Variants in EBF4 observed in about 807,000 individuals in gnomAD.
The protein encoded by EBF4 is EBF transcription factor 4, also known as transcription factor COE4.
EBF4 carries 34 observed loss-of-function variants against 67.1 expected under a neutral mutation model. The observed-to-expected ratio is 0.51, with a 90% confidence interval of 0.39 to 0.67. The LOEUF (loss-of-function observed/expected upper bound fraction) is 0.67, where lower values mean the gene tolerates loss of function less well. Ranked by LOEUF, EBF4 falls within the 30% of genes least tolerant of loss-of-function variation. The probability of loss-of-function intolerance (pLI) is 0.00; values close to 1 mark genes in which losing one functional copy is unlikely to be tolerated. For missense variants in EBF4, 837 were observed against 873.3 expected, an observed-to-expected ratio of 0.96 and a Z score of 0.52; for synonymous variants, 387 against 377.7, an observed-to-expected ratio of 1.02 and a Z score of -0.29.
chr20:2,707,594 G>GGGGCC lies in EBF4; in HGVS notation c.415-352_415-348dup, dbSNP rs1055416250. On this transcript the variant is annotated intron_variant, in intron 4 of 16. Transcript: ENST00000609451. This position sits in a 1 kb window ranked among gnomAD's most constrained non-coding sequence, Gnocchi z 4.6. ...CACAGGAGGATGCTGGGGGAGGGGAGGGGCCTGGTGCTGGGTGGGCACAGG... is the reference window on the plus strand; with the variant it reads ...CACAGGAGGATGCTGGGGGAGGGGAGGGGCCGGGCCTGGTGCTGGGTGGGCACAGG... 1.3e-4 allele frequency among the ~76,000 whole-genome samples: 20 copies of GGGGCC among 152,100 alleles called. No homozygotes were observed. The highest frequency in any genetic ancestry group is 6.5e-5 in the Admixed American group (1 of 15,274).
In EBF4 at chr20:2,747,737, T is replaced by C. The variant is rs942462146; in HGVS notation, c.558-812T>C. ...AATAACTATATTTTGGGTAATCATT[T>C]ACAACATAAAATGCGTATTAATGTA... On this transcript the variant is annotated intron_variant, in intron 6 of 16. Transcript: ENST00000609451. The surrounding 1 kb of genome is among the most constrained non-coding windows in gnomAD (Gnocchi z 4.6). Among the ~76,000 whole-genome samples the C allele has an allele frequency of 6.6e-5, 10 of 152,344 alleles. No homozygotes were observed. In the East Asian group the frequency reaches 1.9e-3, roughly 29 times the overall value.
intron 6 of EBF4, among the ~76,000 whole-genome samples, chr20:2,732,201 G>A (rs2087822666): frequency 6.6e-6 from 1 of 151,794 alleles, no homozygotes; most frequent in African/African-American, 2.4e-5. Flanking sequence ...GCTCACTACA[G>A]CCTCAACCTC....
At chr20:2,718,046 T>C (rs185925400) in intron 6 of EBF4, among the ~76,000 whole-genome samples, 12 of 152,170 alleles carry the variant, frequency 7.9e-5, no homozygotes, top group Non-Finnish European at 1.5e-5. Flanking sequence ...CCTGACCTCG[T>C]GATCCACCCA....
At chr20:2,743,890 G>A (rs1396643314) in intron 6 of EBF4, among the ~76,000 whole-genome samples, 1 of 152,004 alleles carries the variant, frequency 6.6e-6, no homozygotes, top group East Asian at 1.9e-4. Flanking sequence ...CCATCACACA[G>A]GTACAATACA....
Position 2,713,968 on chromosome 20 carries a change from A to G in EBF4, c.557+4326A>G, listed in dbSNP as rs1383967935. ...AGTGCATTGGAATAATTATCTGTCTATACTGACATTGAAATAACCAAGAAT... is the reference window on the plus strand; with the variant it reads ...AGTGCATTGGAATAATTATCTGTCTGTACTGACATTGAAATAACCAAGAAT... On this transcript the variant is annotated intron_variant, in intron 6 of 16. Transcript: ENST00000609451. 2.0e-5 allele frequency among the ~76,000 whole-genome samples: 3 copies of G among 152,216 alleles called. No individual in the cohort carries two copies. The East Asian group carries it at 5.8e-4, about 29-fold the overall frequency.
chr20:2,758,920 G>T lies in EBF4; in HGVS notation c.1750G>T (p.Glu584Ter), dbSNP rs1356611597. Reference sequence around the variant, plus strand: ...CTTGACTACTGCAGACCAGTCTTTTGAGGATTCTGACAAGTTTCACTCTCC... The same window carrying T: ...CTTGACTACTGCAGACCAGTCTTTTTAGGATTCTGACAAGTTTCACTCTCC... Residue 584 changes from glutamate to a stop codon, truncating the protein, a stop_gained, in exon 16 of 17, where the codon GAG becomes TAG. Coordinates refer to ENST00000609451, the Ensembl canonical transcript of EBF4. LOFTEE classifies it high-confidence loss of function. 1 of 1,551,766 alleles carries T rather than the reference G, an allele frequency of 6.4e-7. No homozygotes were observed. The highest frequency in any genetic ancestry group is 2.0e-5 in the Admixed American group (1 of 51,010).
At chr20:2,735,618 C>G (rs1357190855) in intron 6 of EBF4, among the ~76,000 whole-genome samples, 1 of 152,190 alleles carries the variant, frequency 6.6e-6, no homozygotes, top group African/African-American at 2.4e-5. Context: ...TACCTGGGCA[C>G]AAGTTAAAAG....
chr20:2,752,906 C>T (rs960548810), intron 14 of EBF4, among the ~76,000 whole-genome samples: 2 of 152,234 alleles, frequency 1.3e-5, no homozygotes, highest in African/African-American at 4.8e-5. Context: ...ATCTCGCGCC[C>T]GGACTTGGGG....
At chr20:2,736,292 G>A (rs1173504603) in intron 6 of EBF4, among the ~76,000 whole-genome samples, 1 of 152,110 alleles carries the variant, frequency 6.6e-6, no homozygotes, top group Non-Finnish European at 1.5e-5. Context: ...CTGCCTGGTG[G>A]GTGTTGTTCA....
rs2146358783 is a variant in EBF4, at chr20:2,696,437, A to G, written c.137+2655A>G. 6.6e-6 allele frequency among the ~76,000 whole-genome samples: 1 copy of G among 152,162 alleles called. No individual in the cohort carries two copies. Among genetic ancestry groups the G allele is most frequent in the East Asian group, 1.9e-4 (1 of 5,176 alleles). On this transcript the variant is annotated intron_variant, in intron 1 of 16. Coordinates refer to ENST00000609451, the Ensembl canonical transcript of EBF4. This position sits in a 1 kb window ranked among gnomAD's most constrained non-coding sequence, Gnocchi z 4.7. Reference sequence around the variant, plus strand: ...CGGTGAGCCAAGATCGCACCACTGTACTCCAGCCTGGGCGGCAGAGTGAAA... The same window carrying G: ...CGGTGAGCCAAGATCGCACCACTGTGCTCCAGCCTGGGCGGCAGAGTGAAA...
intron 6 of EBF4, 91 bp downstream of exon 6, chr20:2,709,733 G>A: frequency 7.6e-7 from 1 of 1,311,066 alleles, no homozygotes; most frequent in East Asian, 2.9e-5. Flanking sequence ...CTCAAGGGAG[G>A]AGCGGAGCAG....
chr20:2,735,143 G>C (rs567716356), intron 6 of EBF4, among the ~76,000 whole-genome samples: 2 of 152,308 alleles, frequency 1.3e-5, no homozygotes, highest in Non-Finnish European at 2.9e-5. Flanking sequence ...CCTGAAGATA[G>C]GGTCTTTCCC....
Position 2,745,703 on chromosome 20 carries a change from C to T in EBF4, c.558-2846C>T, listed in dbSNP as rs1186113275. Among the ~76,000 whole-genome samples the T allele has an allele frequency of 1.2e-4, 18 of 152,158 alleles. No homozygotes were observed. Among genetic ancestry groups the T allele is most frequent in the Admixed American group, 1.2e-3 (18 of 15,276 alleles). On this transcript the variant is annotated intron_variant, in intron 6 of 16. Coordinates refer to ENST00000609451, the Ensembl canonical transcript of EBF4. This position sits in a 1 kb window ranked among gnomAD's most constrained non-coding sequence, Gnocchi z 5.2. Reference sequence around the variant, plus strand: ...TGGGGAGGGCAGAAGTAAAGGATGTCCCAGAGGCAGGACTAGAAGGTGTCA... The same window carrying T: ...TGGGGAGGGCAGAAGTAAAGGATGTTCCAGAGGCAGGACTAGAAGGTGTCA...
chr20:2,709,732 G>A lies in EBF4; in HGVS notation c.557+90G>A, dbSNP rs985834703. The A allele has an allele frequency of 7.0e-5, 93 of 1,321,384 alleles. 1 individual carries two copies. Among genetic ancestry groups the A allele is most frequent in the Non-Finnish European group, 2.6e-5 (26 of 1,004,030 alleles). The allele number at this position is 1,321,384 out of a possible 1,614,324, so 81.9% of individuals were successfully genotyped here. ...CCACAGAGCACCAAGGCTCAAGGGA[G>A]GAGCGGAGCAGCCCCCCCGGGGCAC... is the stretch of plus-strand genomic sequence containing the variant. On this transcript the variant is annotated intron_variant, in intron 6 of 16. Transcript: ENST00000609451.
chr20:2,758,803 G>T, intron 15 of EBF4, 106 bp from the exon 16 acceptor site: 1 of 1,007,260 alleles, frequency 9.9e-7, no homozygotes. Context: ...ACTGCCTTCA[G>T]AAAGTGCTAT....
rs1168530873 is a variant in EBF4 at position 2,747,477 on chromosome 20, T to G, written c.558-1072T>G. Among the ~76,000 whole-genome samples the G allele has an allele frequency of 6.6e-6, 1 of 152,154 alleles. No homozygotes were observed. The highest frequency in any genetic ancestry group is 1.5e-5 in the Non-Finnish European group (1 of 68,020). On this transcript the variant is annotated intron_variant, in intron 6 of 16. Transcript: ENST00000609451. The surrounding 1 kb of genome is among the most constrained non-coding windows in gnomAD (Gnocchi z 4.6). The stretch of plus-strand genomic sequence containing the variant: ...TGTGTTTGTCTAAAAAGCAACCTCA[T>G]CAGCGCATATGTGTTTTTTTCCCAA...
Position 2,705,755 on chromosome 20 carries a change from C to T in EBF4, c.294+22C>T, listed in dbSNP as rs1167058271. 4 of 1,525,966 alleles carry T rather than the reference C, an allele frequency of 2.6e-6. No homozygotes were observed. The South Asian group carries it at 4.9e-5, about 19-fold the overall frequency. The allele number at this position is 1,525,966 out of a possible 1,614,324, so 94.5% of individuals were successfully genotyped here. A position where few individuals can be genotyped will look rare whatever the true frequency, so the allele number is the denominator to read the frequency against. On this transcript the variant is annotated intron_variant, in intron 2 of 16. Coordinates refer to ENST00000609451, the Ensembl canonical transcript of EBF4. ...CCGAGTGAGAGGCTCATGGGCTTGG[C>T]TGGGACTGGCCCCGGGAGGGAACCC...
chr20:2,708,003 C>A, exon 5 of EBF4: 1 of 1,609,142 alleles, frequency 6.2e-7, no homozygotes, highest in Non-Finnish European at 8.5e-7. Context: ...TGCTGCTCAC[C>A]CATGAGATCA....
Position 2,755,921 on chromosome 20 carries a change from C to G in EBF4, c.1738+97C>G, listed in dbSNP as rs377324801. 2.5e-6 allele frequency: 3 copies of G among 1,192,426 alleles called. 1 individual carries two copies. The Admixed American group carries it at 7.5e-5, about 30-fold the overall frequency. 73.9% of individuals were successfully genotyped at this position (1,192,426 alleles called of 1,614,324 possible). On this transcript the variant is annotated intron_variant, in intron 15 of 16. Transcript: ENST00000609451. This position sits in a 1 kb window ranked among gnomAD's most constrained non-coding sequence, Gnocchi z 4.7. ...TGCTCTGTCCACATCTCACCAGTGCCTCATGCTGGCTAACCTGCTCTTCTT... is the reference window on the plus strand; with the variant it reads ...TGCTCTGTCCACATCTCACCAGTGCGTCATGCTGGCTAACCTGCTCTTCTT...
Sources: gnomAD v4.1 joint callset for allele counts (sites outside exome capture counted in the v4.1 genomes callset) on GRCh38, gnomAD v4.1.1 for gene constraint, Gnocchi (gnomAD v3.1) non-coding constraint, MANE v1.5 for transcripts, NCBI Gene and HGNC (gene_info 2026-07-23, HGNC 2026-07-21) for gene names.